Variants in STON2 observed in about 807,000 individuals in gnomAD.
STON2 encodes stonin-2.
STON2 carries 29 observed loss-of-function variants against 65.7 expected under a neutral mutation model. That is an observed-to-expected ratio of 0.44 (90% CI 0.33 to 0.60). The LOEUF is 0.60. Among genes scored for constraint, STON2 ranks in the 20% least tolerant of loss-of-function variants. The pLI, the probability that STON2 is intolerant of heterozygous loss-of-function variation, is 0.03. For missense variants in STON2, 1,054 were observed against 1,118.1 expected, an observed-to-expected ratio of 0.94 and a Z score of 0.82; for synonymous variants, 404 against 414.2, an observed-to-expected ratio of 0.98 and a Z score of 0.30.
chr14:81,426,649 C>G (rs982636499), intron 2 of STON2, among the ~76,000 whole-genome samples: 4 of 152,206 alleles, frequency 2.6e-5, no homozygotes, highest in Admixed American at 6.5e-5. Flanking sequence ...GATGATGGCA[C>G]TCTACCCCTC....
intron 7 of STON2, chr14:81,269,582 G>A: frequency 1.0e-6 from 1 of 985,334 alleles, no homozygotes; most frequent in Non-Finnish European, 1.2e-6. Context: ...CAGGTTTGAG[G>A]GAGGTGCTAT....
intron 3 of STON2, among the ~76,000 whole-genome samples, chr14:81,388,883 G>A (rs1899948741): frequency 6.6e-6 from 1 of 152,134 alleles, no homozygotes; most frequent in Non-Finnish European, 1.5e-5. Flanking sequence ...GGATGTTCAG[G>A]TATAAAACAG....
chr14:81,394,637 T>C (rs1464935602), intron 3 of STON2, among the ~76,000 whole-genome samples: 1 of 151,994 alleles, frequency 6.6e-6, no homozygotes, highest in Non-Finnish European at 1.5e-5. Context: ...AGGTCCTTAA[T>C]GGAAGACAAA....
At chr14:81,275,310 G>A (rs1894770669) in intron 6 of STON2, among the ~76,000 whole-genome samples, 1 of 152,034 alleles carries the variant, frequency 6.6e-6, no homozygotes, top group African/African-American at 2.4e-5. Flanking sequence ...AGGCACCAGT[G>A]ATATATTAAG....
At chr14:81,317,658 T>C (rs998705999) in intron 5 of STON2, among the ~76,000 whole-genome samples, 3 of 152,192 alleles carry the variant, frequency 2.0e-5, no homozygotes, top group African/African-American at 7.2e-5. Context: ...ACTGCAATGT[T>C]GGGCTCGGCT....
chr14:81,323,381 A>G (rs1251590465), intron 5 of STON2: 1 of 152,162 alleles, frequency 6.6e-6, no homozygotes, highest in Admixed American at 6.5e-5. Context: ...CTATACAAAG[A>G]TCTCAGTTTT....
chr14:81,376,041 T>C (rs186763056), intron 3 of STON2, among the ~76,000 whole-genome samples: 1 of 151,960 alleles, frequency 6.6e-6, no homozygotes, highest in Non-Finnish European at 1.5e-5. Context: ...AAATACTATA[T>C]GTGAAAATTT....
intron 4 of STON2, among the ~76,000 whole-genome samples, chr14:81,325,143 C>T (rs1348356900): frequency 6.6e-6 from 1 of 152,188 alleles, no homozygotes; most frequent in Non-Finnish European, 1.5e-5. Flanking sequence ...CAACACTCAC[C>T]TTTCCTCCAC....
intron 5 of STON2, among the ~76,000 whole-genome samples, chr14:81,309,920 T>C (rs1208568568): frequency 2.6e-5 from 4 of 152,292 alleles, no homozygotes; most frequent in Admixed American, 2.6e-4. Flanking sequence ...TTTATGTTCA[T>C]GGTCACTTTG....
intron 5 of STON2, among the ~76,000 whole-genome samples, chr14:81,304,566 T>A (rs952721883): frequency 1.3e-5 from 2 of 152,028 alleles, no homozygotes; most frequent in African/African-American, 2.4e-5. Context: ...CCACAAAAAA[T>A]ATCAAAAATT....
chr14:81,425,366 A>C (rs891446028), intron 2 of STON2, among the ~76,000 whole-genome samples: 12 of 152,272 alleles, frequency 7.9e-5, no homozygotes, highest in African/African-American at 2.9e-4. Context: ...TGAGGTCAGG[A>C]GTTCGAGACC....
chr14:81,349,136 G>A (rs548023203), intron 4 of STON2, among the ~76,000 whole-genome samples: 4 of 151,978 alleles, frequency 2.6e-5, no homozygotes, highest in Non-Finnish European at 4.4e-5. Context: ...ACTACAAAAT[G>A]ACTAGAAAAA....
chr14:81,334,383 A>G (rs1219119654), intron 4 of STON2, among the ~76,000 whole-genome samples: 1 of 152,248 alleles, frequency 6.6e-6, no homozygotes, highest in Non-Finnish European at 1.5e-5. Flanking sequence ...TGGAGCTTGC[A>G]ACACAGAGGA....
intron 5 of STON2, among the ~76,000 whole-genome samples, chr14:81,294,947 G>A (rs1895701246): frequency 6.6e-6 from 1 of 152,192 alleles, no homozygotes; most frequent in African/African-American, 2.4e-5. Flanking sequence ...CAGACATTGA[G>A]GTAATTCAAG....
chr14:81,267,978 A>G lies in STON2; in HGVS notation c.*436T>C. On this transcript the variant is annotated 3_prime_UTR_variant, in exon 8 of 8. Transcript: ENST00000614646. Reference sequence around the variant, plus strand: ...ACAGAGTGAAAGAGATGGATTCTTAATTAACTTCTCAAGACTGCCTTTGCC... The same window carrying G: ...ACAGAGTGAAAGAGATGGATTCTTAGTTAACTTCTCAAGACTGCCTTTGCC... The G allele has an allele frequency of 1.0e-6, 1 of 986,686 alleles. No homozygotes were observed. Among genetic ancestry groups the G allele is most frequent in the South Asian group, 4.7e-5 (1 of 21,350 alleles). The allele number at this position is 986,686 out of a possible 1,614,324, so 61.1% of individuals were successfully genotyped here. A position where few individuals can be genotyped will look rare whatever the true frequency, so the allele number is the denominator to read the frequency against.
chr14:81,270,712 G>A lies in STON2; in HGVS notation c.2742C>T (p.Asp914=), dbSNP rs142313733. The A allele has an allele frequency of 5.6e-5, 91 of 1,614,170 alleles. No individual in the cohort carries two copies. The African/African-American group carries it at 8.9e-4, about 16-fold the overall frequency. ...VRSISVEDKT[D]VRKWVNYSAH... ...CAGAATAATTGACCCACTTCCTGACGTCAGTCTTGTCTTCTACAGAGATAG... is the reference window on the plus strand; with the variant it reads ...CAGAATAATTGACCCACTTCCTGACATCAGTCTTGTCTTCTACAGAGATAG... The change falls in exon 7 of 8, where the codon GAC becomes GAT. Residue 914 remains aspartate, a synonymous_variant. Transcript: ENST00000614646.
chr14:81,377,913 T>A (rs924829326), intron 3 of STON2, among the ~76,000 whole-genome samples: 1 of 151,994 alleles, frequency 6.6e-6, no homozygotes, highest in African/African-American at 2.4e-5. Flanking sequence ...AATGGCATGA[T>A]CTCAGCTCAC....
rs192148790 is a variant in STON2 at position 81,387,442 on chromosome 14, C to A, written c.373+8452G>T. On this transcript the variant is annotated intron_variant, in intron 3 of 7. Transcript: ENST00000614646. Reference sequence around the variant, plus strand: ...CTTATGAAGTCAAAGAGGTATGAATCCCTCATTTGGCCTCCCTCAAATTTC... The same window carrying A: ...CTTATGAAGTCAAAGAGGTATGAATACCTCATTTGGCCTCCCTCAAATTTC... Among the ~76,000 whole-genome samples the A allele has an allele frequency of 4.1e-3, 625 of 152,148 alleles. 3 individuals are homozygous for A. The highest frequency in any genetic ancestry group is 0.034 in the Middle Eastern group (10 of 294).
intron 3 of STON2, among the ~76,000 whole-genome samples, chr14:81,385,913 A>C (rs555486491): frequency 4.7e-4 from 72 of 152,306 alleles, no homozygotes; most frequent in African/African-American, 1.7e-3. Flanking sequence ...GAAAAAAGCT[A>C]GAGAGTGGAG....
Sources: gnomAD v4.1 joint callset for allele counts (sites outside exome capture counted in the v4.1 genomes callset) on GRCh38, gnomAD v4.1.1 for gene constraint, MANE v1.5 for transcripts, NCBI Gene and HGNC (gene_info 2026-07-23, HGNC 2026-07-21) for gene names.